Variants in NFIL3 observed in about 807,000 individuals in gnomAD.
NFIL3 encodes the protein nuclear factor interleukin-3-regulated protein.
In NFIL3, 5 loss-of-function variants were observed where a neutral mutation model predicts 10.0. That is an observed-to-expected ratio of 0.50 (90% CI 0.26 to 1.06). NFIL3 has a LOEUF of 1.06. Among genes scored for constraint, NFIL3 ranks in the 50% least tolerant of loss-of-function variants. NFIL3 has a pLI of 0.13. For synonymous variants in NFIL3, 202 were observed against 206.5 expected, an observed-to-expected ratio of 0.98 and a Z score of 0.19; for missense variants, 436 against 547.6, an observed-to-expected ratio of 0.80 and a Z score of 2.03.
the NFIL3 span, among the ~76,000 whole-genome samples, chr9:91,482,432 GTGATGATGA>G: frequency 7.3e-5 from 11 of 150,658 alleles, no homozygotes; most frequent in African/African-American, 1.5e-4. Flanking sequence ...CCAGGGCTGG[GTGATGATGA>G]TGATGATGAT....
At chr9:91,428,411 T>G (rs1833891943), upstream of NFIL3, among the ~76,000 whole-genome samples, 2 of 152,214 alleles carry the variant, frequency 1.3e-5, no homozygotes, top group African/African-American at 4.8e-5. Flanking sequence ...AGATTTCAAC[T>G]GTCTTCCAGC....
the NFIL3 span, among the ~76,000 whole-genome samples, chr9:91,452,262 T>C: frequency 6.6e-6 from 1 of 152,242 alleles, no homozygotes; most frequent in Non-Finnish European, 1.5e-5. Flanking sequence ...AATAAAACTT[T>C]AGTCTCCACA....
At chr9:91,429,697 A>G in the NFIL3 span, among the ~76,000 whole-genome samples, 19 of 152,110 alleles carry the variant, frequency 1.2e-4, no homozygotes, top group African/African-American at 4.3e-4. Flanking sequence ...TTCAGGTGCC[A>G]TTGTGTTTTC....
At chr9:91,467,852 TAA>T in the NFIL3 span, among the ~76,000 whole-genome samples, 2 of 152,148 alleles carry the variant, frequency 1.3e-5, no homozygotes, top group African/African-American at 4.8e-5. Context: ...CATGTCCCTA[TAA>T]AAGACATGAA....
chr9:91,473,529 A>T, the NFIL3 span, among the ~76,000 whole-genome samples: 7 of 152,208 alleles, frequency 4.6e-5, no homozygotes, highest in Non-Finnish European at 1.0e-4. Flanking sequence ...ATGGGATGTA[A>T]TCTCCTGTTG....
the NFIL3 span, among the ~76,000 whole-genome samples, chr9:91,439,714 A>G: frequency 2.6e-5 from 4 of 152,014 alleles, no homozygotes; most frequent in Non-Finnish European, 5.9e-5. Context: ...AGAGTTTTTT[A>G]TCAACAAAGG....
the NFIL3 span, among the ~76,000 whole-genome samples, chr9:91,482,210 CTT>C: frequency 6.6e-5 from 10 of 152,188 alleles, no homozygotes; most frequent in African/African-American, 2.4e-4. Context: ...TATTGCAACA[CTT>C]TTTGGCCTGG....
chr9:91,442,632 A>G, the NFIL3 span, among the ~76,000 whole-genome samples: 2 of 152,180 alleles, frequency 1.3e-5, no homozygotes, highest in Non-Finnish European at 2.9e-5. Context: ...CAGCACAGGC[A>G]GCTCCAGGTG....
At chr9:91,480,405 G>A in the NFIL3 span, among the ~76,000 whole-genome samples, 114 of 152,144 alleles carry the variant, frequency 7.5e-4, no homozygotes, top group African/African-American at 2.7e-3. Context: ...ATGAAACATA[G>A]AATATTCTAC....
At chr9:91,441,376 T>C in the NFIL3 span, among the ~76,000 whole-genome samples, 1 of 152,180 alleles carries the variant, frequency 6.6e-6, no homozygotes, top group African/African-American at 2.4e-5. Context: ...TCTATCCTCT[T>C]ACTTTCAGTC....
upstream of NFIL3, among the ~76,000 whole-genome samples, chr9:91,428,641 C>T (rs542841897): frequency 1.3e-5 from 2 of 152,300 alleles, no homozygotes; most frequent in East Asian, 1.9e-4. Context: ...AATTAGATCT[C>T]TACACCAACG....
the NFIL3 span, among the ~76,000 whole-genome samples, chr9:91,446,926 C>T: frequency 6.6e-6 from 1 of 152,070 alleles, no homozygotes; most frequent in South Asian, 2.1e-4. Context: ...AGTGATTCTC[C>T]TGCCTCAGCC....
intron 1 of NFIL3, among the ~76,000 whole-genome samples, chr9:91,416,669 T>C (rs1833663701): frequency 6.6e-6 from 1 of 152,252 alleles, no homozygotes; most frequent in Non-Finnish European, 1.5e-5. Flanking sequence ...GCAGGTATTA[T>C]TACCTACCAG....
upstream of NFIL3, among the ~76,000 whole-genome samples, chr9:91,428,814 C>T (rs1401384703): frequency 6.6e-6 from 1 of 152,168 alleles, no homozygotes; most frequent in African/African-American, 2.4e-5. Flanking sequence ...TCAGCCACCA[C>T]AGATGGCACA....
At chr9:91,427,231 T>C (rs1487686724), upstream of NFIL3, 1 of 152,090 alleles carries the variant, frequency 6.6e-6, no homozygotes, top group African/African-American at 2.4e-5. Flanking sequence ...AAGCAATTCA[T>C]TAAAAAATAA....
chr9:91,463,954 T>C, the NFIL3 span, among the ~76,000 whole-genome samples: 11 of 152,270 alleles, frequency 7.2e-5, no homozygotes, highest in East Asian at 1.9e-3. Flanking sequence ...TGTTGAAAAA[T>C]AGAACTGTTC....
chr9:91,409,295 T>C lies in NFIL3; in HGVS notation c.*51A>G. The C allele has an allele frequency of 6.7e-7, 1 of 1,496,522 alleles. No individual in the cohort carries two copies. Among genetic ancestry groups the C allele is most frequent in the South Asian group, 1.3e-5 (1 of 74,514 alleles). 92.7% of individuals were successfully genotyped at this position (1,496,522 alleles called of 1,614,324 possible). On this transcript the variant is annotated 3_prime_UTR_variant, in exon 2 of 2. Coordinates refer to ENST00000297689, the MANE Select transcript of NFIL3 (RefSeq NM_005384.3). ...TTCAGCATAATACAAAATGGACTGC[T>C]CTATTGCAAATGACATCTTTCTAAA...
the NFIL3 span, among the ~76,000 whole-genome samples, chr9:91,452,448 A>G: frequency 1.8e-4 from 21 of 115,614 alleles, no homozygotes; most frequent in Non-Finnish European, 3.2e-4. Flanking sequence ...TCTTACAGGT[A>G]TTGAATGATG....
the NFIL3 span, among the ~76,000 whole-genome samples, chr9:91,435,932 G>A: frequency 3.3e-5 from 5 of 152,054 alleles, no homozygotes; most frequent in Non-Finnish European, 7.4e-5. Flanking sequence ...AGCATTCAGG[G>A]TACTTTGTTG....
Sources: gnomAD v4.1 joint callset for allele counts (sites outside exome capture counted in the v4.1 genomes callset) on GRCh38, gnomAD v4.1.1 for gene constraint, MANE v1.5 for transcripts, NCBI Gene and HGNC (gene_info 2026-07-23, HGNC 2026-07-21) for gene names.